Variants in IBTK observed in about 807,000 individuals in gnomAD.
IBTK encodes the protein BTK-binding protein.
In IBTK, 83 loss-of-function variants were observed where a neutral mutation model predicts 154.9. The ratio of observed to expected loss-of-function variants is 0.54; its 90% CI spans 0.45 to 0.64. The LOEUF (loss-of-function observed/expected upper bound fraction) is 0.64, where lower values mean the gene tolerates loss of function less well. Among genes scored for constraint, IBTK ranks in the 30% least tolerant of loss-of-function variants. The probability of loss-of-function intolerance (pLI) is 0.00; values close to 1 mark genes in which losing one functional copy is unlikely to be tolerated. For synonymous variants in IBTK, 515 were observed against 536.1 expected, an observed-to-expected ratio of 0.96 and a Z score of 0.54; for missense variants, 1,332 against 1,584.6, an observed-to-expected ratio of 0.84 and a Z score of 2.71.
chr6:82,208,299 C>T (rs1769489922), intron 16 of IBTK, among the ~76,000 whole-genome samples: 1 of 151,648 alleles, frequency 6.6e-6, no homozygotes, highest in Admixed American at 6.6e-5. Flanking sequence ...CTTAATACGA[C>T]TGGGGGGGGA....
At chr6:82,207,053 T>C (rs1035785336) in intron 16 of IBTK, among the ~76,000 whole-genome samples, 1 of 152,186 alleles carries the variant, frequency 6.6e-6, no homozygotes, top group South Asian at 2.1e-4. Context: ...TTGCCACTTC[T>C]ATTCAACAGA....
intron 25 of IBTK, among the ~76,000 whole-genome samples, chr6:82,187,869 T>C (rs1768610894): frequency 6.6e-6 from 1 of 152,172 alleles, no homozygotes; most frequent in Non-Finnish European, 1.5e-5. Flanking sequence ...TAATAGAGGA[T>C]GGCGGGAGTG....
chr6:82,182,137 A>G, intron 25 of IBTK, 109 bp from the exon 26 acceptor site: 1 of 1,020,306 alleles, frequency 9.8e-7, no homozygotes, highest in Non-Finnish European at 1.4e-6. Flanking sequence ...ACAATATACA[A>G]TTGCAGTTTT....
In IBTK at chr6:82,214,242, C is replaced by T. The variant is rs1769773859; in HGVS notation, c.2189G>A (p.Ser730Asn). 1 of 1,610,832 alleles carries T rather than the reference C, an allele frequency of 6.2e-7. No homozygotes were observed. Among genetic ancestry groups the T allele is most frequent in the Non-Finnish European group, 8.5e-7 (1 of 1,178,992 alleles). ...LQTVAKKFDF[S>N]NLSSRLDGVR... ...GAAATCATACCTACTACTCAAATTACTGAAGTCGAATTTCTTTGCAACAGT... is the reference window on the plus strand; with the variant it reads ...GAAATCATACCTACTACTCAAATTATTGAAGTCGAATTTCTTTGCAACAGT... Residue 730 changes from serine to asparagine, a missense_variant, in exon 12 of 29, where the codon AGT becomes AAT. Ser to Asn is a conservative substitution (Grantham distance 46). This residue lies in a region of IBTK where 1,134 missense variants were observed against 1,274.7 expected (regional missense o/e 0.89). Coordinates refer to ENST00000306270, the MANE Select transcript of IBTK (RefSeq NM_015525.4).
chr6:82,212,931 G>T, intron 12 of IBTK, 138 bp from the exon 13 acceptor site: 1 of 580,456 alleles, frequency 1.7e-6, no homozygotes. Flanking sequence ...CCTACTCTGA[G>T]ATAAAGAAAT....
intron 9 of IBTK, among the ~76,000 whole-genome samples, chr6:82,219,589 A>ATTTGATGTATTTTATATAATAT (rs1770017496): frequency 2.9e-5 from 4 of 138,612 alleles, no homozygotes; most frequent in Non-Finnish European, 6.3e-5. Flanking sequence ...ACCCCTCAAA[A>ATTTGATGTATTTTATATAATAT]ACAATTTAGA....
chr6:82,194,006 G>GA (rs1768886738), intron 23 of IBTK, among the ~76,000 whole-genome samples: 1 of 151,718 alleles, frequency 6.6e-6, no homozygotes, highest in Admixed American at 6.6e-5. Context: ...CTAAATAAAT[G>GA]AAAAAATATA....
chr6:82,223,449 A>G lies in IBTK; in HGVS notation c.1115T>C (p.Met372Thr). 1.9e-6 allele frequency: 3 copies of G among 1,610,670 alleles called. No homozygotes were observed. Among genetic ancestry groups the G allele is most frequent in the Non-Finnish European group, 2.5e-6 (3 of 1,178,472 alleles). Reference sequence around the variant, plus strand: ...ACAGAAATACACATACTTAGAAGCCATCTTCTTGCACTGATAGTCTGCAAG... The same window carrying G: ...ACAGAAATACACATACTTAGAAGCCGTCTTCTTGCACTGATAGTCTGCAAG... ...YLLADYQCKK[M>T]ASKQLNLKKV... Residue 372 changes from methionine (M) to threonine (T), a missense_variant, in exon 8 of 29, where the codon ATG becomes ACG. By Grantham distance (81) the Met-to-Thr change is moderately conservative. Transcript: ENST00000306270.
At chr6:82,210,081 A>G (rs1484668506) in intron 16 of IBTK, among the ~76,000 whole-genome samples, 2 of 152,226 alleles carry the variant, frequency 1.3e-5, no homozygotes, top group African/African-American at 2.4e-5. Flanking sequence ...ATGAGTAAAC[A>G]TATCTTGTAA....
intron 3 of IBTK, among the ~76,000 whole-genome samples, chr6:82,232,675 G>C (rs1770552878): frequency 6.6e-6 from 1 of 152,044 alleles, no homozygotes. Flanking sequence ...AAATCTCAAA[G>C]AGCAAACAAA....
At chr6:82,216,791 T>C (rs979926291) in intron 10 of IBTK, among the ~76,000 whole-genome samples, 2 of 152,106 alleles carry the variant, frequency 1.3e-5, no homozygotes, top group African/African-American at 4.8e-5. Flanking sequence ...GTGCCTGCTC[T>C]CCTCGAGTAC....
In IBTK at chr6:82,196,410, G is replaced by C. The variant is rs1768988182; in HGVS notation, c.3062C>G (p.Ser1021Cys). The change falls in exon 22 of 29, where the codon TCT becomes TGT. Residue 1021 changes from serine (S) to cysteine (C), a missense_variant. Ser to Cys is a moderately radical substitution (Grantham distance 112). Coordinates refer to ENST00000306270, the MANE Select transcript of IBTK (RefSeq NM_015525.4). ...GTCTGATGTCAACAGTTCTGGAAGA[G>C]ATTCCACAGAATTGGTCTTACCAGA... ...LKSGKTNSVE[S>C]LPELLTSDSE... The C allele has an allele frequency of 6.2e-7, 1 of 1,611,546 alleles. No individual in the cohort carries two copies. The highest frequency in any genetic ancestry group is 8.5e-7 in the Non-Finnish European group (1 of 1,178,676).
intron 2 of IBTK, among the ~76,000 whole-genome samples, chr6:82,238,777 C>T (rs934642467): frequency 2.0e-5 from 3 of 151,800 alleles, no homozygotes; most frequent in Admixed American, 6.6e-5. Flanking sequence ...CTCACTCTGT[C>T]GCCTAGGCTG....
intron 10 of IBTK, 97 bp downstream of exon 10, chr6:82,217,862 AG>A: frequency 3.8e-6 from 3 of 782,888 alleles, no homozygotes; most frequent in Non-Finnish European, 5.7e-6. Flanking sequence ...AATACATAAA[AG>A]TAAAACCTAA....
chr6:82,180,511 C>A (rs1055866625), intron 26 of IBTK, among the ~76,000 whole-genome samples: 1 of 152,126 alleles, frequency 6.6e-6, no homozygotes, highest in Non-Finnish European at 1.5e-5. Flanking sequence ...CTCGGCCTCC[C>A]AAAGTGCTAG....
At chr6:82,243,222 C>CA (rs1176496335) in intron 1 of IBTK, among the ~76,000 whole-genome samples, 1 of 129,718 alleles carries the variant, frequency 7.7e-6, no homozygotes, top group African/African-American at 3.0e-5. Context: ...GCCTGGGCGA[C>CA]AGAGAGACTC....
At chr6:82,233,050 G>T (rs963649514) in intron 3 of IBTK, among the ~76,000 whole-genome samples, 3 of 151,772 alleles carry the variant, frequency 2.0e-5, no homozygotes, top group Non-Finnish European at 4.4e-5. Flanking sequence ...TACTCAGGAG[G>T]CTGAGAGAAG....
chr6:82,186,517 A>C lies in IBTK; in HGVS notation c.3576-4489T>G, dbSNP rs540986110. On this transcript the variant is annotated intron_variant, in intron 25 of 28. Transcript: ENST00000306270. ...ACACTTAGCAAACTACGTATAGTAT[A>C]AACATTACTTTTACAGGCACCAGGA... Among the ~76,000 whole-genome samples, 3 of 152,312 alleles carry C rather than the reference A, an allele frequency of 2.0e-5. No homozygotes were observed. The East Asian group carries it at 5.8e-4, about 29-fold the overall frequency.
At chr6:82,178,019 TTTTAG>T (rs1488176219) in intron 26 of IBTK, among the ~76,000 whole-genome samples, 2 of 152,226 alleles carry the variant, frequency 1.3e-5, no homozygotes, top group Non-Finnish European at 2.9e-5. Context: ...TTAATGAATA[TTTTAG>T]TTTGTCTGTA....
Sources: allele counts gnomAD v4.1 joint callset (sites outside exome capture counted in the v4.1 genomes callset), GRCh38; gene constraint gnomAD v4.1.1; regional missense constraint gnomAD v4.1.1; transcripts MANE v1.5; gene names NCBI Gene and HGNC (gene_info 2026-07-23, HGNC 2026-07-21).